The following ADAMTSL1 variants were observed in gnomAD, a reference collection of about 807,000 sequenced individuals.
ADAMTSL1 encodes the protein ADAMTS like 1.
Under a neutral mutation model 201.8 loss-of-function variants are expected in ADAMTSL1, and 126 were observed. The ratio of observed to expected loss-of-function variants is 0.62; its 90% confidence interval spans 0.54 to 0.72. ADAMTSL1 has a LOEUF of 0.72. ADAMTSL1 is among the 30% of genes least tolerant of loss of function. The pLI, the probability that ADAMTSL1 is intolerant of heterozygous loss-of-function variation, is 0.00. For synonymous variants in ADAMTSL1, 1,121 were observed against 903.4 expected (o/e 1.24, Z -4.32); for missense variants, 2,679 against 2,277.8 (o/e 1.18, Z -3.59).
chr9:18,436,697 T>C (rs1819748386), intron 2 of ADAMTSL1, among the ~76,000 whole-genome samples: 1 of 152,120 alleles, frequency 6.6e-6, no homozygotes, highest in African/African-American at 2.4e-5. Flanking sequence ...CTATGAGTAA[T>C]TGATGCTGCT....
At chr9:18,065,604 T>C (rs147777276) in intron 1 of ADAMTSL1, among the ~76,000 whole-genome samples, 1 of 152,300 alleles carries the variant, frequency 6.6e-6, no homozygotes, top group East Asian at 1.9e-4. Flanking sequence ...AAATGACGTC[T>C]TTAAATTCTA....
At chr9:18,682,791 C>T (rs1430893200) in intron 12 of ADAMTSL1, among the ~76,000 whole-genome samples, 3 of 151,792 alleles carry the variant, frequency 2.0e-5, no homozygotes, top group Non-Finnish European at 2.9e-5. Flanking sequence ...ATAGGTGGCC[C>T]TAATTGCAAC....
At chr9:18,840,176 G>A (rs1383737014) in intron 23 of ADAMTSL1, among the ~76,000 whole-genome samples, 12 of 149,768 alleles carry the variant, frequency 8.0e-5, no homozygotes, top group Admixed American at 2.7e-4. Context: ...TAGGTCTAAC[G>A]TTTAAGTCTT....
chr9:17,991,653 T>C (rs1350097507), intron 1 of ADAMTSL1, among the ~76,000 whole-genome samples: 2 of 152,146 alleles, frequency 1.3e-5, no homozygotes, highest in African/African-American at 4.8e-5. Flanking sequence ...TGTATAACAA[T>C]GTGAACCTGG....
chr9:18,746,611 G>A (rs138137951), intron 15 of ADAMTSL1, among the ~76,000 whole-genome samples: 2,098 of 152,122 alleles, frequency 0.014, 16 homozygotes, highest in Non-Finnish European at 0.019. Flanking sequence ...AGGTTCTTAG[G>A]GCATAATAGC....
At chr9:18,247,042 T>G (rs962084528) in intron 2 of ADAMTSL1, among the ~76,000 whole-genome samples, 9 of 152,300 alleles carry the variant, frequency 5.9e-5, no homozygotes, top group African/African-American at 2.2e-4. Context: ...TGTGTTTTTT[T>G]GGGTATTGGG....
rs1231700952 is a variant in ADAMTSL1, at chr9:17,981,003, G to C, written c.87+74081G>C. On this transcript the variant is annotated intron_variant, in intron 1 of 29. Coordinates refer to the ADAMTSL1 transcript ENST00000680146. ...ACTCTCCTGGGAATTAGTGGAGGGA[G>C]AACTCACTCATTGCCACGAGGATGG... Among the ~76,000 whole-genome samples the C allele has an allele frequency of 9.2e-5, 14 of 152,224 alleles. No homozygotes were observed. In the East Asian group the frequency reaches 2.1e-3, roughly 23 times the overall value.
At chr9:18,264,746 A>G (rs1185657280) in intron 2 of ADAMTSL1, among the ~76,000 whole-genome samples, 1 of 152,206 alleles carries the variant, frequency 6.6e-6, no homozygotes, top group East Asian at 1.9e-4. Flanking sequence ...TGCCATAGAT[A>G]TGATGGAAGT....
chr9:18,535,785 A>G (rs1470765392), intron 3 of ADAMTSL1, among the ~76,000 whole-genome samples: 1 of 152,194 alleles, frequency 6.6e-6, no homozygotes, highest in Non-Finnish European at 1.5e-5. Flanking sequence ...GAGTGAAGGG[A>G]GAAGCCCCTT....
intron 1 of ADAMTSL1, among the ~76,000 whole-genome samples, chr9:18,156,069 TG>T (rs977140868): frequency 1.3e-5 from 2 of 151,992 alleles, no homozygotes; most frequent in Non-Finnish European, 1.5e-5. Flanking sequence ...TCTGCCAGAC[TG>T]GGGAGTCTTT....
At chr9:18,066,748 C>A (rs940132933) in intron 1 of ADAMTSL1, among the ~76,000 whole-genome samples, 1 of 152,056 alleles carries the variant, frequency 6.6e-6, no homozygotes, top group Non-Finnish European at 1.5e-5. Context: ...AAATGTCCAA[C>A]AATGATAGAC....
intron 1 of ADAMTSL1, among the ~76,000 whole-genome samples, chr9:18,015,099 C>T (rs1187107381): frequency 1.3e-5 from 2 of 151,998 alleles, no homozygotes; most frequent in East Asian, 1.9e-4. Context: ...TCACCATAGC[C>T]ACATGGGGCA....
At chr9:18,258,540 T>A (rs1382367366) in intron 2 of ADAMTSL1, among the ~76,000 whole-genome samples, 1 of 152,208 alleles carries the variant, frequency 6.6e-6, no homozygotes, top group Admixed American at 6.5e-5. Flanking sequence ...CTTGCCATTC[T>A]GTTCCAAAGG....
At chr9:17,996,623 C>T (rs968214245) in intron 1 of ADAMTSL1, among the ~76,000 whole-genome samples, 5 of 151,982 alleles carry the variant, frequency 3.3e-5, no homozygotes, top group Non-Finnish European at 7.4e-5. Context: ...CATATTGAAT[C>T]CCAAAGTGCT....
At chr9:18,544,860 T>G (rs1820380050) in intron 3 of ADAMTSL1, among the ~76,000 whole-genome samples, 2 of 152,164 alleles carry the variant, frequency 1.3e-5, no homozygotes, top group Admixed American at 1.3e-4. Context: ...AATGCATGTA[T>G]GAAGAAAAGA....
intron 7 of ADAMTSL1, among the ~76,000 whole-genome samples, chr9:18,645,382 C>G (rs371254445): frequency 1.3e-5 from 2 of 152,074 alleles, no homozygotes; most frequent in Admixed American, 6.6e-5. Flanking sequence ...TGCAGAAGCT[C>G]TTTAGTTTAA....
intron 1 of ADAMTSL1, among the ~76,000 whole-genome samples, chr9:17,968,525 T>C (rs1818071041): frequency 1.3e-5 from 2 of 152,090 alleles, no homozygotes; most frequent in South Asian, 2.1e-4. Flanking sequence ...GTGTGCATTG[T>C]TTCATCTGGT....
At chr9:18,099,893 A>G (rs1824442862) in intron 1 of ADAMTSL1, among the ~76,000 whole-genome samples, 1 of 151,926 alleles carries the variant, frequency 6.6e-6, no homozygotes, top group African/African-American at 2.4e-5. Flanking sequence ...CCCAAAGTGC[A>G]AGGATTACAG....
chr9:18,370,261 C>A (rs1157149027), intron 2 of ADAMTSL1, among the ~76,000 whole-genome samples: 1 of 149,464 alleles, frequency 6.7e-6, no homozygotes, highest in East Asian at 2.0e-4. Context: ...GCCTGGGCAA[C>A]AAGAGCAAGA....
Sources: gnomAD v4.1 joint callset for allele counts (sites outside exome capture counted in the v4.1 genomes callset) on GRCh38, gnomAD v4.1.1 for gene constraint, MANE v1.5 for transcripts, NCBI Gene and HGNC (gene_info 2026-07-23, HGNC 2026-07-21) for gene names.